Variants in NCOA1 observed in about 807,000 individuals in gnomAD.
The protein encoded by NCOA1 is Hin-2 protein.
Under a neutral mutation model 150.9 loss-of-function variants are expected in NCOA1, and 35 were observed. That is an observed-to-expected ratio of 0.23 (90% CI 0.18 to 0.31). The LOEUF is 0.31. NCOA1 is among the 10% of genes least tolerant of loss of function. NCOA1 has a pLI of 1.00. For missense variants in NCOA1, 1,491 were observed against 1,749.3 expected (o/e 0.85, Z 2.63); for synonymous variants, 590 against 630.0 (o/e 0.94, Z 0.95).
chr2:24,664,858 A>G (rs907238440), intron 5 of NCOA1, among the ~76,000 whole-genome samples: 1 of 152,226 alleles, frequency 6.6e-6, no homozygotes, highest in African/African-American at 2.4e-5. Flanking sequence ...TATAAAACAA[A>G]GAGCTACTTG....
intron 1 of NCOA1, among the ~76,000 whole-genome samples, chr2:24,557,415 T>C (rs368114247): frequency 1.3e-5 from 2 of 152,138 alleles, no homozygotes; most frequent in East Asian, 3.8e-4. Flanking sequence ...TGGTGAATAA[T>C]CTACGGTGAA....
chr2:24,636,019 T>A (rs1271985314), intron 3 of NCOA1, among the ~76,000 whole-genome samples: 1 of 152,164 alleles, frequency 6.6e-6, no homozygotes, highest in Non-Finnish European at 1.5e-5. Flanking sequence ...TCATCATGAT[T>A]TAGAGAAAAT....
intron 1 of NCOA1, among the ~76,000 whole-genome samples, 65 bp downstream of exon 1, chr2:24,491,667 C>T (rs1331809024): frequency 6.6e-6 from 1 of 151,006 alleles, no homozygotes; most frequent in African/African-American, 2.4e-5. Context: ...CGCGCGGCCG[C>T]GGAGGCCCTA....
At chr2:24,757,882 T>C in intron 20 of NCOA1, 91 bp from the exon 21 acceptor site, 1 of 1,199,862 alleles carries the variant, frequency 8.3e-7, no homozygotes, top group Non-Finnish European at 1.2e-6. Context: ...AATTTAAGGA[T>C]GTAACATATT....
intron 6 of NCOA1, among the ~76,000 whole-genome samples, chr2:24,669,340 C>G (rs1174578653): frequency 6.6e-6 from 1 of 152,092 alleles, no homozygotes; most frequent in South Asian, 2.1e-4. Context: ...GACATGGCCC[C>G]CTTGTCCATG....
intron 3 of NCOA1, among the ~76,000 whole-genome samples, chr2:24,639,916 GTATATATATATATATA>G (rs67632791): frequency 0.018 from 520 of 29,704 alleles, 29 homozygotes; most frequent in Admixed American, 0.032. Flanking sequence ...ATGTGTGTGT[GTATATATATATATATA>G]TATATATATA....
intron 1 of NCOA1, among the ~76,000 whole-genome samples, chr2:24,558,389 A>G (rs759942693): frequency 1.3e-5 from 2 of 152,180 alleles, no homozygotes; most frequent in Non-Finnish European, 2.9e-5. Flanking sequence ...ACAGTTCCAC[A>G]TGGCTGGGGA....
intron 3 of NCOA1, among the ~76,000 whole-genome samples, chr2:24,586,275 CAAAAAAAAAAAA>C (rs34590281): frequency 7.0e-4 from 46 of 66,138 alleles, no homozygotes; most frequent in Non-Finnish European, 2.7e-4. Flanking sequence ...GACTCGGTCT[CAAAAAAAAAAAA>C]AAAAAAAAAA....
chr2:24,578,522 A>G (rs775098609), intron 2 of NCOA1, among the ~76,000 whole-genome samples: 5 of 152,228 alleles, frequency 3.3e-5, no homozygotes, highest in Admixed American at 6.5e-5. Flanking sequence ...CTAAGATTCC[A>G]GTAACTACAT....
chr2:24,501,474 C>A (rs1663458371), intron 1 of NCOA1, among the ~76,000 whole-genome samples: 1 of 152,092 alleles, frequency 6.6e-6, no homozygotes, highest in East Asian at 1.9e-4. Flanking sequence ...TTTGTGTCAT[C>A]AATAAGAAAA....
At chr2:24,715,925 A>G (rs1674014119) in intron 14 of NCOA1, among the ~76,000 whole-genome samples, 1 of 151,970 alleles carries the variant, frequency 6.6e-6, no homozygotes, top group Admixed American at 6.6e-5. Flanking sequence ...GGCGGATCAC[A>G]AGGTCAGGAG....
intron 3 of NCOA1, among the ~76,000 whole-genome samples, chr2:24,608,702 GTGTT>G (rs1572484760): frequency 3.8e-5 from 3 of 78,946 alleles, no homozygotes; most frequent in East Asian, 9.5e-4. Flanking sequence ...TGTTGTTGTT[GTGTT>G]TTTTTTTTTT....
chr2:24,617,256 TC>T (rs1668911397), intron 3 of NCOA1, among the ~76,000 whole-genome samples: 1 of 152,128 alleles, frequency 6.6e-6, no homozygotes, highest in Admixed American at 6.6e-5. Flanking sequence ...AGCAGACTCT[TC>T]ATTACCTTTG....
chr2:24,619,078 A>G (rs1669003721), intron 3 of NCOA1, among the ~76,000 whole-genome samples: 2 of 152,220 alleles, frequency 1.3e-5, no homozygotes, highest in South Asian at 4.1e-4. Context: ...TGTGATTTTT[A>G]AAACTCTTCT....
intron 1 of NCOA1, among the ~76,000 whole-genome samples, chr2:24,551,432 T>G (rs1166300383): frequency 6.6e-6 from 1 of 152,200 alleles, no homozygotes; most frequent in Non-Finnish European, 1.5e-5. Flanking sequence ...TATAACACTA[T>G]CTTTTGAACA....
At chr2:24,646,524 T>A (rs1421186434) in intron 4 of NCOA1, among the ~76,000 whole-genome samples, 1 of 152,074 alleles carries the variant, frequency 6.6e-6, no homozygotes. Flanking sequence ...CCTGGAATAG[T>A]TTATTAGCTT....
intron 1 of NCOA1, among the ~76,000 whole-genome samples, chr2:24,540,831 C>G (rs762636367): frequency 6.6e-6 from 1 of 152,028 alleles, no homozygotes; most frequent in Non-Finnish European, 1.5e-5. Flanking sequence ...AGGAGACAAA[C>G]AAAAGAGATG....
intron 3 of NCOA1, among the ~76,000 whole-genome samples, chr2:24,643,537 A>G (rs1406943238): frequency 6.6e-6 from 1 of 152,216 alleles, no homozygotes; most frequent in Non-Finnish European, 1.5e-5. Context: ...TAAAATGTTT[A>G]TAAACTTTTT....
intron 20 of NCOA1, among the ~76,000 whole-genome samples, chr2:24,755,215 T>C (rs1664441366): frequency 6.6e-6 from 1 of 152,238 alleles, no homozygotes; most frequent in South Asian, 2.1e-4. Context: ...AGTAGAATGA[T>C]GTAATAGAGT....
Sources: gnomAD v4.1 joint callset for allele counts (sites outside exome capture counted in the v4.1 genomes callset) on GRCh38, gnomAD v4.1.1 for gene constraint, MANE v1.5 for transcripts, NCBI Gene and HGNC (gene_info 2026-07-23, HGNC 2026-07-21) for gene names.